Variants in PAF1 observed in about 807,000 individuals in gnomAD.
PAF1 encodes the protein RNA polymerase II-associated factor 1 homolog.
Under a neutral mutation model 68.4 loss-of-function variants are expected in PAF1, and 31 were observed. The ratio of observed to expected loss-of-function variants is 0.45; its 90% confidence interval spans 0.34 to 0.61. The LOEUF is 0.61. Ranked by LOEUF, PAF1 falls within the 20% of genes least tolerant of loss-of-function variation. The pLI is 0.01. For missense variants in PAF1, 435 were observed against 692.9 expected (o/e 0.63, Z 4.18); for synonymous variants, 256 against 240.5 (o/e 1.06, Z -0.60).
rs909460353 is a variant in PAF1 at position 39,386,461 on chromosome 19, G to A, written c.1183+21C>T. 1.9e-6 allele frequency: 3 copies of A among 1,614,006 alleles called. No homozygotes were observed. Among genetic ancestry groups the A allele is most frequent in the South Asian group, 1.1e-5 (1 of 91,090 alleles). ...TTTCCACCCTCCCAGGGCTCCCAGA[G>A]TCTGGCCTGTCCAGATTTACCTGAG... is the stretch of plus-strand genomic sequence containing the variant. On this transcript the variant is annotated intron_variant, in intron 13 of 13. Transcript: ENST00000221265. This position sits in a 1 kb window ranked among gnomAD's most constrained non-coding sequence, Gnocchi z 6.1.
rs2078262824 is a variant in PAF1, at chr19:39,386,855, C to G, written c.987-56G>C. On this transcript the variant is annotated intron_variant, in intron 11 of 13. Transcript: ENST00000221265. This position sits in a 1 kb window ranked among gnomAD's most constrained non-coding sequence, Gnocchi z 6.1. ...GGAAGATGCAGTTAAAGACACACCT[C>G]CCACTTCCCCGCCCCCCAGTGAGGG... The G allele has an allele frequency of 2.6e-6, 3 of 1,171,892 alleles. No individual in the cohort carries two copies. Among genetic ancestry groups the G allele is most frequent in the South Asian group, 2.4e-5 (2 of 82,100 alleles). 72.6% of individuals were successfully genotyped at this position (1,171,892 alleles called of 1,614,324 possible). A position where few individuals can be genotyped will look rare whatever the true frequency, so the allele number is the denominator to read the frequency against.
rs926161381 is a variant in PAF1 at position 39,389,903 on chromosome 19, G to A, written c.171-142C>T. ...AGAGTCTGAAAGCTGGCTCCCCAGT[G>A]GGAAGGGACTTGGACACTGCTTGCT... On this transcript the variant is annotated intron_variant, in intron 3 of 13. Transcript: ENST00000221265. This position sits in a 1 kb window ranked among gnomAD's most constrained non-coding sequence, Gnocchi z 5.3. 9 of 1,214,148 alleles carry A rather than the reference G, an allele frequency of 7.4e-6. No individual in the cohort carries two copies. In the Admixed American group the frequency reaches 8.7e-5, roughly 12 times the overall value. 75.2% of individuals were successfully genotyped at this position (1,214,148 alleles called of 1,614,324 possible).
chr19:39,385,988 G>C lies in PAF1; in HGVS notation c.*3C>G. ...TCTGAACCAGCCCTGAATGCCCTGG[G>C]ACTCAGTCACTGTCACTATCAGCTT... On this transcript the variant is annotated 3_prime_UTR_variant, in exon 14 of 14. Coordinates refer to ENST00000221265, the MANE Select transcript of PAF1 (RefSeq NM_019088.4). 1 of 1,613,238 alleles carries C rather than the reference G, an allele frequency of 6.2e-7. No individual in the cohort carries two copies. The highest frequency in any genetic ancestry group is 8.5e-7 in the Non-Finnish European group (1 of 1,179,994).
chr19:39,387,106 GAAC>G (rs2078269231), intron 11 of PAF1: 1 of 485,804 alleles, frequency 2.1e-6, no homozygotes, highest in Non-Finnish European at 3.8e-6. Flanking sequence ...TACATCATGT[GAAC>G]ATCATACAGT....
rs2078314084 is a variant in PAF1, at chr19:39,388,990, C to T, written c.593G>A (p.Arg198Gln). ...KSISQHYSKP[R>Q]VTPVEVMPVF... is the part of the protein sequence containing the mutation. ...AGGCATGACCTCCACCGGTGTGACT[C>T]GGGGTTTGCTGTAATGCTGTGAGAT... Residue 198 changes from arginine (R) to glutamine (Q), a missense_variant, in exon 8 of 14, where the codon CGA (arginine) becomes CAA (glutamine). Arg to Gln is a conservative substitution (Grantham distance 43). Around this residue, in one of 7 missense-constraint regions of PAF1, gnomAD observed 151 missense variants for 306.3 expected, o/e 0.49. Coordinates refer to ENST00000221265, the MANE Select transcript of PAF1 (RefSeq NM_019088.4). 1.2e-6 allele frequency: 2 copies of T among 1,614,138 alleles called. No individual in the cohort carries two copies. The highest frequency in any genetic ancestry group is 1.7e-6 in the Non-Finnish European group (2 of 1,180,016).
rs1277269274 is a variant in PAF1 at position 39,388,571 on chromosome 19, T to C, written c.846A>G (p.Ala282=). The part of the protein sequence containing the change: ...KRDQEEEMDY[A]PDDVYDYKIA... ...CGCAACCCACGCACACATCATCTGGTGCATAGTCCATCTCCTCCTCCTGGT... is the reference window on the plus strand; with the variant it reads ...CGCAACCCACGCACACATCATCTGGCGCATAGTCCATCTCCTCCTCCTGGT... The change falls in exon 10 of 14, where the codon GCA becomes GCG. Residue 282 remains alanine (A), a synonymous_variant. Coordinates refer to ENST00000221265, the MANE Select transcript of PAF1 (RefSeq NM_019088.4). 5 of 1,614,040 alleles carry C rather than the reference T, an allele frequency of 3.1e-6. No individual in the cohort carries two copies. The Admixed American group carries it at 8.3e-5, about 27-fold the overall frequency.
chr19:39,391,080 G>A lies in PAF1; in HGVS notation c.-216C>T. Reference sequence around the variant, plus strand: ...GCACCGGGGACGGACTCGAAGCTCCGGTTCCACCAACTGCCGCCAAGACGC... The same window carrying A: ...GCACCGGGGACGGACTCGAAGCTCCAGTTCCACCAACTGCCGCCAAGACGC... On this transcript the variant is annotated 5_prime_UTR_variant, in exon 1 of 14. Coordinates refer to ENST00000221265, the MANE Select transcript of PAF1 (RefSeq NM_019088.4). The A allele has an allele frequency of 1.6e-6, 1 of 631,158 alleles. No homozygotes were observed. Among genetic ancestry groups the A allele is most frequent in the Non-Finnish European group, 2.7e-6 (1 of 366,992 alleles). The allele number at this position is 631,158 out of a possible 1,614,324, so 39.1% of individuals were successfully genotyped here.
chr19:39,387,259 T>G (rs2078273194), intron 11 of PAF1: 1 of 379,898 alleles, frequency 2.6e-6, no homozygotes, highest in Non-Finnish European at 5.4e-6. Context: ...TAGTAAGTAT[T>G]TGTGTATCTA....
Position 39,390,075 on chromosome 19 carries a change from TGGTCGAAGGGGTAGGTGATGAACTTGG to T in PAF1, c.137_163del (p.Pro46_Asp54del). 6.2e-7 allele frequency: 1 copy of T among 1,612,224 alleles called. No homozygotes were observed. The highest frequency in any genetic ancestry group is 8.5e-7 in the Non-Finnish European group (1 of 1,178,258). ...TCCCATTCCTTAGTCTCACCTGTTC[TGGTCGAAGGGGTAGGTGATGAACTTGG>T]GGTCGAAGGGGATATCAGGGAGGCT... On this transcript the variant is annotated inframe_deletion, in exon 3 of 14. Coordinates refer to ENST00000221265, the MANE Select transcript of PAF1 (RefSeq NM_019088.4).
At chr19:39,390,444 G>A (rs1398787404) in intron 1 of PAF1, among the ~76,000 whole-genome samples, 155 bp from the exon 2 acceptor site, 2 of 152,192 alleles carry the variant, frequency 1.3e-5, no homozygotes, top group Admixed American at 6.5e-5. Flanking sequence ...TTAATGGAAG[G>A]AGACAAATGT....
chr19:39,390,353 G>C, intron 1 of PAF1, 64 bp from the exon 2 acceptor site: 9 of 1,494,952 alleles, frequency 6.0e-6, no homozygotes, highest in South Asian at 2.4e-5. Flanking sequence ...AATGAAAAAG[G>C]CTTCCCCAAC....
Position 39,385,687 on chromosome 19 carries a change from AC to A in PAF1, c.*303del. The A allele has an allele frequency of 1.9e-6, 1 of 533,550 alleles. No homozygotes were observed. Among genetic ancestry groups the A allele is most frequent in the East Asian group, 3.0e-5 (1 of 33,556 alleles). 33.1% of individuals were successfully genotyped at this position (533,550 alleles called of 1,614,324 possible). ...CTTATTTTGGAAAAAAAAAAAACAAACAAAAAAAACGAATTCTGACCTTCGT... is the reference window on the plus strand; with the variant it reads ...CTTATTTTGGAAAAAAAAAAAACAAAAAAAAAAACGAATTCTGACCTTCGT... On this transcript the variant is annotated 3_prime_UTR_variant, in exon 14 of 14. Transcript: ENST00000221265.
At position 39,389,869 on chromosome 19, in the gene PAF1, C is replaced by T; in HGVS notation, c.171-108G>A. ...GGGGAGGAACTCAGAATGAAGTGTC[C>T]CCCATGGCAGAGTCTGAAAGCTGGC... is the stretch of plus-strand genomic sequence containing the variant. On this transcript the variant is annotated intron_variant, in intron 3 of 13. Transcript: ENST00000221265. This position sits in a 1 kb window ranked among gnomAD's most constrained non-coding sequence, Gnocchi z 5.3. 1 of 1,469,212 alleles carries T rather than the reference C, an allele frequency of 6.8e-7. No homozygotes were observed. Among genetic ancestry groups the T allele is most frequent in the Non-Finnish European group, 9.5e-7 (1 of 1,054,364 alleles). The allele number at this position is 1,469,212 out of a possible 1,614,324, so 91.0% of individuals were successfully genotyped here.
At chr19:39,387,358 T>C (rs569770459) in intron 11 of PAF1, 1 of 186,524 alleles carries the variant, frequency 5.4e-6, no homozygotes, top group South Asian at 9.2e-5. Context: ...TGCAGTGCAT[T>C]ACTGTATGTG....
At chr19:39,388,318 A>G in intron 11 of PAF1, 21 bp downstream of exon 11, 1 of 1,613,622 alleles carries the variant, frequency 6.2e-7, no homozygotes, top group East Asian at 2.2e-5. Flanking sequence ...CAGGCTAATC[A>G]GATAGGAGTG....
In PAF1 at chr19:39,386,059, A is replaced by C. The variant is rs747604583; in HGVS notation, c.1528T>G (p.Ser510Ala). 6.2e-7 allele frequency: 1 copy of C among 1,613,958 alleles called. No homozygotes were observed. Among genetic ancestry groups the C allele is most frequent in the Non-Finnish European group, 8.5e-7 (1 of 1,180,018 alleles). The change falls in exon 14 of 14, where the codon TCG (serine) becomes GCG (alanine). Residue 510 changes from serine to alanine, a missense_variant. Physicochemically the swap from Ser to Ala is moderately conservative, Grantham distance 99. Around this residue, in one of 7 missense-constraint regions of PAF1, gnomAD observed 83 missense variants for 99.9 expected, o/e 0.83. Coordinates refer to ENST00000221265, the MANE Select transcript of PAF1 (RefSeq NM_019088.4). The surrounding 1 kb of genome is among the most constrained non-coding windows in gnomAD (Gnocchi z 6.1). The stretch of plus-strand genomic sequence containing the variant: ...GCTTCACTGCCATCCTCCTGGGCCG[A>C]GTGCTCGCTGCCACTGGGGAAGGGA... ...ASPFPSGSEHSAQEDGSEAAA... is the reference protein window; with the variant it reads ...ASPFPSGSEHAAQEDGSEAAA...
intron 3 of PAF1, 21 bp downstream of exon 3, chr19:39,390,048 T>A (rs763809783): frequency 6.3e-7 from 1 of 1,592,090 alleles, no homozygotes; most frequent in East Asian, 2.2e-5. Context: ...CCTGAGTAGT[T>A]TTCCCATTCC....
At position 39,389,689 on chromosome 19, in the gene PAF1, C is replaced by T. The variant is rs1379661458; in HGVS notation, c.243G>A (p.Gly81=). ...KHDLLTEPDL[G]VTIDLINPDT... The stretch of plus-strand genomic sequence containing the variant: ...CAGGATTGATGAGATCGATGGTGAC[C>T]CCCAGGTCTGGCTCAGTCAGGAGGT... Residue 81 remains glycine, a synonymous_variant, in exon 4 of 14, where the codon GGG becomes GGA. Transcript: ENST00000221265. This position sits in a 1 kb window ranked among gnomAD's most constrained non-coding sequence, Gnocchi z 5.3. 6.2e-7 allele frequency: 1 copy of T among 1,614,108 alleles called. No homozygotes were observed. The highest frequency in any genetic ancestry group is 8.5e-7 in the Non-Finnish European group (1 of 1,179,996).
intron 3 of PAF1, 46 bp downstream of exon 3, chr19:39,390,023 T>C (rs1449605177): frequency 6.8e-7 from 1 of 1,477,700 alleles, no homozygotes; most frequent in East Asian, 2.3e-5. Context: ...AGTCCCTGCC[T>C]TCAAGGAACT....
Sources: gnomAD v4.1 joint callset for allele counts (sites outside exome capture counted in the v4.1 genomes callset) on GRCh38, gnomAD v4.1.1 for gene constraint, gnomAD v4.1.1 regional missense constraint, Gnocchi (gnomAD v3.1) non-coding constraint, MANE v1.5 for transcripts, NCBI Gene and HGNC (gene_info 2026-07-23, HGNC 2026-07-21) for gene names.